The following MFSD8 variants were observed in gnomAD, a reference collection of about 807,000 sequenced individuals.
The protein encoded by MFSD8 is major facilitator superfamily domain containing 8, also known as major facilitator superfamily domain-containing protein 8.
Under a neutral mutation model 66.4 loss-of-function variants are expected in MFSD8, and 55 were observed. That is an observed-to-expected ratio of 0.83 (90% CI 0.67 to 1.04). The LOEUF (loss-of-function observed/expected upper bound fraction) is 1.04, where lower values mean the gene tolerates loss of function less well. MFSD8 is among the 50% of genes least tolerant of loss of function. MFSD8 has a pLI of 0.00. For synonymous variants in MFSD8, 202 were observed against 212.8 expected, an observed-to-expected ratio of 0.95 and a Z score of 0.44; for missense variants, 550 against 627.6, an observed-to-expected ratio of 0.88 and a Z score of 1.32.
intron 3 of MFSD8, among the ~76,000 whole-genome samples, chr4:127,947,026 G>C (rs927966708): frequency 1.3e-5 from 2 of 151,922 alleles, no homozygotes; most frequent in African/African-American, 2.4e-5. Flanking sequence ...TCCATATTAA[G>C]GGCTAATGAT....
chr4:127,941,913 G>C, intron 5 of MFSD8, 132 bp downstream of exon 5: 1 of 719,904 alleles, frequency 1.4e-6, no homozygotes, highest in South Asian at 1.5e-5. Flanking sequence ...CTCATTCCTG[G>C]ATTAAAAAAA....
At chr4:127,938,597 AAATAAATAAATAAAT>A (rs1560744848) in intron 7 of MFSD8, among the ~76,000 whole-genome samples, 171 bp downstream of exon 7, 17 of 102,470 alleles carry the variant, frequency 1.7e-4, no homozygotes, top group African/African-American at 4.1e-4. Flanking sequence ...AAAAAAAAAT[AAATAAATAAATAAAT>A]AAATAAATAA....
At chr4:127,939,087 T>C (rs1041153536) in intron 6 of MFSD8, 2 of 302,490 alleles carry the variant, frequency 6.6e-6, no homozygotes, top group African/African-American at 4.3e-5. Flanking sequence ...ATGATCTACT[T>C]TAGTATTTGA....
chr4:127,929,323 A>C (rs1737730316), intron 9 of MFSD8, among the ~76,000 whole-genome samples: 2 of 47,206 alleles, frequency 4.2e-5, no homozygotes, highest in Non-Finnish European at 9.5e-5. Context: ...ACTCCGTCAC[A>C]AAAAAAAAAA....
chr4:127,939,722 CA>C, intron 6 of MFSD8, 130 bp downstream of exon 6: 1 of 1,013,396 alleles, frequency 9.9e-7, no homozygotes, highest in Non-Finnish European at 1.4e-6. Context: ...ACTACCTGAC[CA>C]AAAAATATAA....
chr4:127,922,778 A>T (rs916169835), intron 9 of MFSD8, among the ~76,000 whole-genome samples: 7 of 152,204 alleles, frequency 4.6e-5, no homozygotes, highest in Admixed American at 2.0e-4. Flanking sequence ...TTAACCAAAT[A>T]GTTGGTGAGG....
chr4:127,922,441 T>C (rs1473278521), intron 9 of MFSD8, among the ~76,000 whole-genome samples: 1 of 151,998 alleles, frequency 6.6e-6, no homozygotes, highest in Non-Finnish European at 1.5e-5. Flanking sequence ...CTGGGCAACA[T>C]AGCAAGACCC....
At chr4:127,954,443 C>G (rs1003583400) in intron 2 of MFSD8, among the ~76,000 whole-genome samples, 3 of 152,042 alleles carry the variant, frequency 2.0e-5, no homozygotes, top group Non-Finnish European at 4.4e-5. Flanking sequence ...TGGCAAAACC[C>G]CGTCTCTACT....
chr4:127,942,268 T>A, intron 4 of MFSD8, 110 bp from the exon 5 acceptor site: 1 of 782,478 alleles, frequency 1.3e-6, no homozygotes, highest in South Asian at 1.4e-5. Flanking sequence ...AACAGTACAG[T>A]CACTGCTTCC....
intron 1 of MFSD8, among the ~76,000 whole-genome samples, chr4:127,958,449 A>G (rs1743236823): frequency 6.6e-6 from 1 of 152,182 alleles, no homozygotes. Flanking sequence ...TTAGTCTTCA[A>G]AAAAGAAACT....
At position 127,920,520 on chromosome 4, in the gene MFSD8, G is replaced by A. The variant is rs1237870982; in HGVS notation, c.*110C>T. The A allele has an allele frequency of 1.9e-6, 2 of 1,030,382 alleles. No homozygotes were observed. The highest frequency in any genetic ancestry group is 3.0e-6 in the Non-Finnish European group (2 of 658,940). The allele number at this position is 1,030,382 out of a possible 1,614,324, so 63.8% of individuals were successfully genotyped here. A position where few individuals can be genotyped will look rare whatever the true frequency, so the allele number is the denominator to read the frequency against. ...CATATGTTCTTGTTCTTCAAAATCT[G>A]CAATATCTGTAGTCTGATTCTTGGA... On this transcript the variant is annotated 3_prime_UTR_variant, in exon 12 of 12. Coordinates refer to ENST00000641686, the MANE Select transcript of MFSD8 (RefSeq NM_001371596.2).
chr4:127,926,742 T>C (rs1737269747), intron 9 of MFSD8, among the ~76,000 whole-genome samples: 2 of 152,216 alleles, frequency 1.3e-5, no homozygotes, highest in South Asian at 4.1e-4. Context: ...ATACACTGAC[T>C]TAACATTTGT....
chr4:127,953,220 A>G (rs1314789963), intron 2 of MFSD8, among the ~76,000 whole-genome samples: 1 of 152,004 alleles, frequency 6.6e-6, no homozygotes, highest in Admixed American at 6.6e-5. Context: ...AGAAATTTAC[A>G]GGTCACACCT....
chr4:127,918,153 T>G lies in MFSD8; in HGVS notation c.*2477A>C, dbSNP rs909452116. The G allele has an allele frequency of 1.3e-5, 2 of 152,250 alleles. No homozygotes were observed. Among genetic ancestry groups the G allele is most frequent in the African/African-American group, 4.8e-5 (2 of 41,474 alleles). The allele number at this position is 152,250 out of a possible 1,614,324, so 9.4% of individuals were successfully genotyped here. ...AATTTGTTTTCAAAAACATATTTTC[T>G]CTTCTTAAATATGTACTACTCTTAA... is the stretch of plus-strand genomic sequence containing the variant. On this transcript the variant is annotated 3_prime_UTR_variant, in exon 12 of 12. Transcript: ENST00000641686.
intron 9 of MFSD8, among the ~76,000 whole-genome samples, chr4:127,923,552 T>TTTATTA (rs200387529): frequency 0.1 from 13,065 of 130,380 alleles, 714 homozygotes; most frequent in East Asian, 0.18. Context: ...TTTATTTTTA[T>TTTATTA]TTATTATTAT....
intron 3 of MFSD8, among the ~76,000 whole-genome samples, chr4:127,947,211 G>A (rs1399497262): frequency 2.0e-5 from 3 of 151,902 alleles, no homozygotes; most frequent in Admixed American, 6.6e-5. Flanking sequence ...CCAACATGCC[G>A]AAAACCCACT....
chr4:127,953,263 C>T (rs1254779968), intron 2 of MFSD8, among the ~76,000 whole-genome samples: 1 of 151,474 alleles, frequency 6.6e-6, no homozygotes, highest in Non-Finnish European at 1.5e-5. Flanking sequence ...CTGAGGCGGG[C>T]GGATCACCTG....
chr4:127,923,756 T>C (rs1736746274), intron 9 of MFSD8, among the ~76,000 whole-genome samples: 1 of 151,394 alleles, frequency 6.6e-6, no homozygotes, highest in African/African-American at 2.4e-5. Flanking sequence ...ATTTTTTTTG[T>C]ATTTTTAGTA....
intron 2 of MFSD8, among the ~76,000 whole-genome samples, chr4:127,957,059 G>T (rs1248029256): frequency 1.3e-5 from 2 of 151,836 alleles, no homozygotes; most frequent in African/African-American, 4.8e-5. Flanking sequence ...TCCTACCCTA[G>T]AATACATATA....
Sources: allele counts gnomAD v4.1 joint callset (sites outside exome capture counted in the v4.1 genomes callset), GRCh38; gene constraint gnomAD v4.1.1; transcripts MANE v1.5; gene names NCBI Gene and HGNC (gene_info 2026-07-23, HGNC 2026-07-21).